SUCLG2: variants seen among roughly 807,000 people sequenced by gnomAD.
The protein encoded by SUCLG2 is succinate-CoA ligase GDP-forming subunit beta, also known as succinate--CoA ligase [GDP-forming] subunit beta, mitochondrial.
SUCLG2 carries 42 observed loss-of-function variants against 47.9 expected under a neutral mutation model. The observed-to-expected ratio is 0.88, with a 90% CI of 0.69 to 1.14. The LOEUF is 1.14. Among genes scored for constraint, SUCLG2 ranks in the 50% most tolerant of loss-of-function variants. SUCLG2 has a pLI of 0.00. For missense variants in SUCLG2, 571 were observed against 525.9 expected (o/e 1.09, Z -0.84); for synonymous variants, 195 against 197.3 (o/e 0.99, Z 0.10).
At chr3:67,516,552 T>C (rs1396101012) in intron 6 of SUCLG2, among the ~76,000 whole-genome samples, 1 of 152,228 alleles carries the variant, frequency 6.6e-6, no homozygotes, top group African/African-American at 2.4e-5. Context: ...AAGCCACCTA[T>C]TGCTGAGCCT....
At chr3:67,414,345 G>A (rs1007453697) in intron 9 of SUCLG2, among the ~76,000 whole-genome samples, 2 of 152,174 alleles carry the variant, frequency 1.3e-5, no homozygotes, top group East Asian at 3.9e-4. Context: ...AGTTCCAAAT[G>A]ACTGTTTTTA....
At chr3:67,415,794 A>G (rs1703026592) in intron 9 of SUCLG2, among the ~76,000 whole-genome samples, 1 of 152,240 alleles carries the variant, frequency 6.6e-6, no homozygotes. Flanking sequence ...TTCAAGATGT[A>G]GAGCTTAATC....
intron 9 of SUCLG2, among the ~76,000 whole-genome samples, chr3:67,420,150 A>G (rs1427848570): frequency 6.6e-6 from 1 of 152,198 alleles, no homozygotes; most frequent in Non-Finnish European, 1.5e-5. Flanking sequence ...AATGGGGAAA[A>G]TGGACTTGGG....
At chr3:67,466,350 C>G (rs1198371088) in intron 9 of SUCLG2, among the ~76,000 whole-genome samples, 2 of 151,046 alleles carry the variant, frequency 1.3e-5, no homozygotes, top group Non-Finnish European at 3.0e-5. Flanking sequence ...GACTTTGTCT[C>G]AAAAAAAAGA....
chr3:67,587,152 G>C (rs1708044708), intron 2 of SUCLG2, among the ~76,000 whole-genome samples: 1 of 152,206 alleles, frequency 6.6e-6, no homozygotes, highest in African/African-American at 2.4e-5. Flanking sequence ...ATGGGGAACT[G>C]AGCTAAAAAT....
chr3:67,455,747 A>G (rs894467687), intron 9 of SUCLG2, among the ~76,000 whole-genome samples: 2 of 152,066 alleles, frequency 1.3e-5, no homozygotes, highest in African/African-American at 4.8e-5. Context: ...AAAGTGAAAA[A>G]GCATGAGGAA....
At position 67,506,859 on chromosome 3, in the gene SUCLG2, C is replaced by T. The variant is rs143176179; in HGVS notation, c.757+1948G>A. Among the ~76,000 whole-genome samples, 1,026 of 152,272 alleles carry T rather than the reference C, an allele frequency of 6.7e-3. 9 individuals carry two copies. The highest frequency in any genetic ancestry group is 0.024 in the African/African-American group (977 of 41,548). The stretch of plus-strand genomic sequence containing the variant: ...CTGGAGACTACTTCTAGGTCATGTA[C>T]GTGAAAGCAAATAAGTAGTTTAAAT... On this transcript the variant is annotated intron_variant, in intron 7 of 10. Transcript: ENST00000307227.
intron 2 of SUCLG2, among the ~76,000 whole-genome samples, chr3:67,599,544 T>C (rs1314204309): frequency 1.3e-5 from 2 of 152,202 alleles, no homozygotes; most frequent in East Asian, 1.9e-4. Flanking sequence ...TATATATTTA[T>C]GTAAAGTTGT....
At chr3:67,369,361 A>C (rs1204006159) in intron 10 of SUCLG2, among the ~76,000 whole-genome samples, 1 of 152,138 alleles carries the variant, frequency 6.6e-6, no homozygotes, top group Non-Finnish European at 1.5e-5. Context: ...TGAATAGCAC[A>C]GATGCCATGT....
At chr3:67,512,999 T>C (rs1575746078) in intron 6 of SUCLG2, among the ~76,000 whole-genome samples, 2 of 150,856 alleles carry the variant, frequency 1.3e-5, no homozygotes, top group East Asian at 3.9e-4. Flanking sequence ...TATATATAGA[T>C]ACCAGATATA....
At chr3:67,502,955 G>C (rs1705538726) in intron 7 of SUCLG2, among the ~76,000 whole-genome samples, 1 of 152,164 alleles carries the variant, frequency 6.6e-6, no homozygotes, top group East Asian at 1.9e-4. Flanking sequence ...TGTGCATAAG[G>C]CCAAGGCTAA....
chr3:67,512,325 T>C (rs978724683), intron 6 of SUCLG2, among the ~76,000 whole-genome samples: 5 of 151,180 alleles, frequency 3.3e-5, no homozygotes, highest in African/African-American at 1.2e-4. Context: ...TGAGTTAAAG[T>C]GCGAAGCCAG....
chr3:67,463,699 T>G (rs1005628368), intron 9 of SUCLG2, among the ~76,000 whole-genome samples: 1 of 152,214 alleles, frequency 6.6e-6, no homozygotes, highest in African/African-American at 2.4e-5. Flanking sequence ...TTAGATACTG[T>G]TAGCCTGGAA....
chr3:67,402,837 G>A (rs1702718098), intron 9 of SUCLG2, among the ~76,000 whole-genome samples: 1 of 152,208 alleles, frequency 6.6e-6, no homozygotes, highest in South Asian at 2.1e-4. Flanking sequence ...TAGAATCACT[G>A]ACTCTGTTTA....
chr3:67,515,383 C>T (rs551816161), intron 6 of SUCLG2, among the ~76,000 whole-genome samples: 19 of 152,224 alleles, frequency 1.2e-4, no homozygotes, highest in Non-Finnish European at 1.5e-4. Flanking sequence ...TATGTCTTAA[C>T]GTTTTTCAAC....
chr3:67,614,879 C>A (rs1248014720), intron 1 of SUCLG2, among the ~76,000 whole-genome samples: 1 of 152,040 alleles, frequency 6.6e-6, no homozygotes, highest in Admixed American at 6.6e-5. Flanking sequence ...AGCTTTTTTC[C>A]TTCCTTCACA....
At chr3:67,461,666 T>C (rs1704338928) in intron 9 of SUCLG2, among the ~76,000 whole-genome samples, 1 of 152,010 alleles carries the variant, frequency 6.6e-6, no homozygotes, top group South Asian at 2.1e-4. Context: ...TGTGTGCTGT[T>C]GAACAGCATC....
chr3:67,386,283 G>C (rs1338545244), intron 10 of SUCLG2, among the ~76,000 whole-genome samples: 4 of 148,980 alleles, frequency 2.7e-5, no homozygotes, highest in Non-Finnish European at 4.4e-5. Flanking sequence ...ATTTTTAGTA[G>C]AGACGGGGTT....
chr3:67,499,030 G>A (rs1393189958), intron 7 of SUCLG2, among the ~76,000 whole-genome samples: 1 of 152,082 alleles, frequency 6.6e-6, no homozygotes, highest in African/African-American at 2.4e-5. Context: ...ACGAAGTTTG[G>A]TATATCTGAG....
Sources: gnomAD v4.1 joint callset for allele counts (sites outside exome capture counted in the v4.1 genomes callset) on GRCh38, gnomAD v4.1.1 for gene constraint, MANE v1.5 for transcripts, NCBI Gene and HGNC (gene_info 2026-07-23, HGNC 2026-07-21) for gene names.